PPP2R5E: variants seen among roughly 807,000 people sequenced by gnomAD.
The protein encoded by PPP2R5E is serine/threonine-protein phosphatase 2A 56 kDa regulatory subunit epsilon isoform.
In PPP2R5E, 4 loss-of-function variants were observed where a neutral mutation model predicts 65.3. The ratio of observed to expected loss-of-function variants is 0.06; its 90% CI spans 0.03 to 0.14. The LOEUF (loss-of-function observed/expected upper bound fraction) is 0.14, where lower values mean the gene tolerates loss of function less well. Ranked by LOEUF, PPP2R5E falls within the 10% of genes least tolerant of loss-of-function variation. The probability of loss-of-function intolerance (pLI) is 1.00; values close to 1 mark genes in which losing one functional copy is unlikely to be tolerated. For synonymous variants in PPP2R5E, 183 were observed against 187.4 expected, an observed-to-expected ratio of 0.98 and a Z score of 0.19; for missense variants, 274 against 556.1, an observed-to-expected ratio of 0.49 and a Z score of 5.10.
intron 5 of PPP2R5E, among the ~76,000 whole-genome samples, chr14:63,399,959 G>A (rs74060072): frequency 0.022 from 3,307 of 152,072 alleles, 121 homozygotes; most frequent in African/African-American, 0.076. Flanking sequence ...GCTTTTGTTC[G>A]GTGTTTTAAT....
At chr14:63,522,462 C>G (rs1217677426) in intron 2 of PPP2R5E, among the ~76,000 whole-genome samples, 1 of 149,288 alleles carries the variant, frequency 6.7e-6, no homozygotes, top group East Asian at 2.0e-4. Flanking sequence ...AAGTGAGGAG[C>G]GTCTCTGCCC....
rs112723695 is a variant in PPP2R5E, at chr14:63,446,557, C to T, written c.354+7132G>A. On this transcript the variant is annotated intron_variant, in intron 3 of 13. Coordinates refer to ENST00000337537, the MANE Select transcript of PPP2R5E (RefSeq NM_006246.5). ...CATGAAAACAACATTCGGCCGGGCA[C>T]GGTGGCTCACGCCTGTAATTCCAGC... is the stretch of plus-strand genomic sequence containing the variant. 2.0e-3 allele frequency among the ~76,000 whole-genome samples: 303 copies of T among 152,174 alleles called. 4 individuals are homozygous for T. Among genetic ancestry groups the T allele is most frequent in the African/African-American group, 6.8e-3 (281 of 41,528 alleles).
intron 2 of PPP2R5E, among the ~76,000 whole-genome samples, chr14:63,454,280 A>C (rs891596429): frequency 6.6e-6 from 1 of 152,220 alleles, no homozygotes; most frequent in South Asian, 2.1e-4. Context: ...TTACTAAAAA[A>C]TTTCAAAGCA....
At position 63,404,380 on chromosome 14, in the gene PPP2R5E, A is replaced by T. The variant is rs575308644; in HGVS notation, c.550-7664T>A. On this transcript the variant is annotated intron_variant, in intron 5 of 13. Coordinates refer to ENST00000337537, the MANE Select transcript of PPP2R5E (RefSeq NM_006246.5). ...AAGTGCCACAGAGCACTAAAATCAG[A>T]TGTCCACATTTCTGGCTTTGTTTGC... 2.6e-5 allele frequency among the ~76,000 whole-genome samples: 4 copies of T among 152,208 alleles called. No individual in the cohort carries two copies. In the South Asian group the frequency reaches 8.3e-4, roughly 31 times the overall value.
At position 63,389,599 on chromosome 14, in the gene PPP2R5E, C is replaced by T. The variant is rs372094788; in HGVS notation, c.1074+13G>A. The T allele has an allele frequency of 5.3e-5, 85 of 1,599,878 alleles. No individual in the cohort carries two copies. The South Asian group carries it at 7.6e-4, about 14-fold the overall frequency. On this transcript the variant is annotated intron_variant, in intron 11 of 13. Transcript: ENST00000337537. ...ACTCATGCTCCCTGGCTCATGTCCT[C>T]TTTACTACTAACCTGAAAATGGGGG...
At chr14:63,517,954 C>T (rs1892733609) in intron 2 of PPP2R5E, among the ~76,000 whole-genome samples, 1 of 152,186 alleles carries the variant, frequency 6.6e-6, no homozygotes, top group Admixed American at 6.5e-5. Context: ...ATGTTCCCCA[C>T]TATTCCAAGC....
chr14:63,528,980 A>G (rs1338073257), intron 2 of PPP2R5E, among the ~76,000 whole-genome samples: 2 of 152,244 alleles, frequency 1.3e-5, no homozygotes, highest in African/African-American at 2.4e-5. Flanking sequence ...ATTAAAGATT[A>G]TAAGAAACAA....
At chr14:63,529,229 G>A (rs1310694283) in intron 2 of PPP2R5E, among the ~76,000 whole-genome samples, 3 of 152,076 alleles carry the variant, frequency 2.0e-5, no homozygotes, top group Non-Finnish European at 4.4e-5. Context: ...AAAGTGCTGG[G>A]ATTACAGGCA....
At chr14:63,530,435 G>A (rs1470716426) in intron 2 of PPP2R5E, among the ~76,000 whole-genome samples, 1 of 151,582 alleles carries the variant, frequency 6.6e-6, no homozygotes, top group African/African-American at 2.4e-5. Flanking sequence ...GTTTCACAAT[G>A]TTGGCCAGGC....
intron 4 of PPP2R5E, among the ~76,000 whole-genome samples, 166 bp downstream of exon 4, chr14:63,421,827 G>A (rs1887042577): frequency 6.6e-6 from 1 of 152,110 alleles, no homozygotes; most frequent in Admixed American, 6.5e-5. Flanking sequence ...TATTCTTTTG[G>A]CATTCTAATT....
chr14:63,460,289 T>C (rs1889379946), intron 2 of PPP2R5E, among the ~76,000 whole-genome samples: 1 of 152,166 alleles, frequency 6.6e-6, no homozygotes, highest in Non-Finnish European at 1.5e-5. Flanking sequence ...AAAGGCTAAG[T>C]CATTTGTCCA....
chr14:63,399,725 T>G (rs1338689954), intron 5 of PPP2R5E, among the ~76,000 whole-genome samples: 5 of 152,196 alleles, frequency 3.3e-5, no homozygotes, highest in Non-Finnish European at 7.3e-5. Context: ...TTGGTTTGAA[T>G]GTTACTGAGT....
At chr14:63,520,493 C>G (rs1440238614) in intron 2 of PPP2R5E, among the ~76,000 whole-genome samples, 1 of 152,200 alleles carries the variant, frequency 6.6e-6, no homozygotes. Flanking sequence ...TCTATCTCTC[C>G]AAATATCAGA....
At position 63,517,323 on chromosome 14, in the gene PPP2R5E, T is replaced by C. The variant is rs189598513; in HGVS notation, c.157+22206A>G. ...CATTAAGTAAAACTGTGAAGAAACA[T>C]AATTTCACCAAGAATATTTTGATAT... On this transcript the variant is annotated intron_variant, in intron 2 of 13. Transcript: ENST00000337537. 8.1e-3 allele frequency among the ~76,000 whole-genome samples: 1,229 copies of C among 152,214 alleles called. 8 individuals are homozygous for C. Among genetic ancestry groups the C allele is most frequent in the Non-Finnish European group, 0.013 (863 of 68,010 alleles).
chr14:63,506,982 G>T (rs1434597861), intron 2 of PPP2R5E, among the ~76,000 whole-genome samples: 1 of 152,256 alleles, frequency 6.6e-6, no homozygotes. Flanking sequence ...GCTGACACAT[G>T]CGACAACATG....
At chr14:63,519,960 C>T (rs1012585382) in intron 2 of PPP2R5E, among the ~76,000 whole-genome samples, 1 of 143,236 alleles carries the variant, frequency 7.0e-6, no homozygotes, top group African/African-American at 2.6e-5. Flanking sequence ...ACGCCTAGCT[C>T]CTACGGACAA....
At chr14:63,412,064 GGAAGACACA>G (rs781780038) in intron 5 of PPP2R5E, among the ~76,000 whole-genome samples, 2 of 152,196 alleles carry the variant, frequency 1.3e-5, no homozygotes, top group Admixed American at 6.5e-5. Context: ...TCATAAAGAT[GGAAGACACA>G]GTGAATAAGG....
intron 8 of PPP2R5E, among the ~76,000 whole-genome samples, chr14:63,392,272 A>G (rs947211251): frequency 2.0e-5 from 3 of 152,232 alleles, no homozygotes; most frequent in Non-Finnish European, 4.4e-5. Context: ...TGAAATATGC[A>G]GCTAATGAAA....
intron 2 of PPP2R5E, among the ~76,000 whole-genome samples, chr14:63,467,435 A>G (rs911857396): frequency 6.6e-6 from 1 of 152,118 alleles, no homozygotes; most frequent in African/African-American, 2.4e-5. Context: ...CCCAGAGTTT[A>G]GCTAAACATG....
Sources: allele counts gnomAD v4.1 joint callset (sites outside exome capture counted in the v4.1 genomes callset), GRCh38; gene constraint gnomAD v4.1.1; transcripts MANE v1.5; gene names NCBI Gene and HGNC (gene_info 2026-07-23, HGNC 2026-07-21).